FSTL5: variants seen among roughly 807,000 people sequenced by gnomAD.
FSTL5 encodes follistatin like 5.
FSTL5 carries 62 observed loss-of-function variants against 89.1 expected under a neutral mutation model. That is an observed-to-expected ratio of 0.70 (90% CI 0.57 to 0.86). The LOEUF (loss-of-function observed/expected upper bound fraction) is 0.86, where lower values mean the gene tolerates loss of function less well. Ranked by LOEUF, FSTL5 falls within the 40% of genes least tolerant of loss-of-function variation. The probability of loss-of-function intolerance (pLI) is 0.00; values close to 1 mark genes in which losing one functional copy is unlikely to be tolerated. For missense variants in FSTL5, 1,057 were observed against 1,001.6 expected (o/e 1.06, Z -0.75); for synonymous variants, 383 against 346.2 (o/e 1.11, Z -1.18).
intron 4 of FSTL5, among the ~76,000 whole-genome samples, chr4:161,786,608 G>A (rs959382112): frequency 6.6e-6 from 1 of 152,044 alleles, no homozygotes; most frequent in African/African-American, 2.4e-5. Flanking sequence ...ATGAATCTTT[G>A]TCCCTCCAGA....
At chr4:161,573,474 C>T (rs1179438534) in intron 8 of FSTL5, among the ~76,000 whole-genome samples, 1 of 149,794 alleles carries the variant, frequency 6.7e-6, no homozygotes, top group African/African-American at 2.4e-5. Context: ...AGCGGTGGCT[C>T]ACGCCTGTAA....
intron 3 of FSTL5, among the ~76,000 whole-genome samples, chr4:162,026,459 C>A (rs556877165): frequency 1.3e-5 from 2 of 151,634 alleles, no homozygotes; most frequent in Admixed American, 6.6e-5. Flanking sequence ...AGGTGCCCAC[C>A]ACCACGCTTG....
intron 12 of FSTL5, among the ~76,000 whole-genome samples, chr4:161,484,728 G>A (rs1406975862): frequency 2.0e-5 from 3 of 152,086 alleles, no homozygotes; most frequent in African/African-American, 7.2e-5. Context: ...AGCATTTATT[G>A]AGAGCTTACT....
chr4:161,628,423 T>C (rs1240384570), intron 7 of FSTL5, among the ~76,000 whole-genome samples: 1 of 152,106 alleles, frequency 6.6e-6, no homozygotes, highest in Non-Finnish European at 1.5e-5. Context: ...ACCAGAAATA[T>C]GACAGCCTTG....
chr4:161,729,956 T>A (rs1238161259), intron 6 of FSTL5, among the ~76,000 whole-genome samples: 1 of 152,182 alleles, frequency 6.6e-6, no homozygotes, highest in African/African-American at 2.4e-5. Context: ...AATATAGTGT[T>A]TTAGTAATTT....
At position 161,601,329 on chromosome 4, in the gene FSTL5, G is replaced by GAAAA. The variant is rs35261391; in HGVS notation, c.895-13758_895-13755dup. On this transcript the variant is annotated intron_variant, in intron 7 of 15. Coordinates refer to ENST00000306100, the MANE Select transcript of FSTL5 (RefSeq NM_020116.5). ...AGTGACACAAAGTCTTAAATAGTTG[G>GAAAA]AAAAAAAAAAAAAAAAAAAAAGGCA... Among the ~76,000 whole-genome samples, 14 of 107,534 alleles carry GAAAA rather than the reference G, an allele frequency of 1.3e-4. 3 individuals are homozygous for GAAAA. Among genetic ancestry groups the GAAAA allele is most frequent in the Admixed American group, 2.0e-4 (2 of 10,148 alleles). The allele number at this position is 107,534 out of a possible 152,430, so 70.5% of individuals were successfully genotyped here.
At chr4:162,067,108 T>C (rs1397990326) in intron 2 of FSTL5, among the ~76,000 whole-genome samples, 2 of 152,096 alleles carry the variant, frequency 1.3e-5, no homozygotes, top group Non-Finnish European at 2.9e-5. Context: ...TGATCATGGC[T>C]CACTGCAGCC....
chr4:161,619,433 C>A (rs558786387), intron 7 of FSTL5, among the ~76,000 whole-genome samples: 2 of 152,038 alleles, frequency 1.3e-5, no homozygotes, highest in Admixed American at 6.6e-5. Flanking sequence ...ATTTTCCCAA[C>A]CTACTCATCT....
At chr4:161,866,543 C>T (rs913691506) in intron 4 of FSTL5, among the ~76,000 whole-genome samples, 4 of 145,708 alleles carry the variant, frequency 2.7e-5, no homozygotes, top group Non-Finnish European at 6.0e-5. Flanking sequence ...AAAACTCTTG[C>T]CTCAGGTTTT....
At chr4:161,609,314 CTT>C (rs1734562204) in intron 7 of FSTL5, among the ~76,000 whole-genome samples, 1 of 152,006 alleles carries the variant, frequency 6.6e-6, no homozygotes, top group African/African-American at 2.4e-5. Context: ...CTATTTTTAT[CTT>C]TGACTAGATT....
chr4:162,090,069 TTACACCATA>T (rs2111354727), intron 2 of FSTL5, among the ~76,000 whole-genome samples: 1 of 152,278 alleles, frequency 6.6e-6, no homozygotes, highest in Non-Finnish European at 1.5e-5. Context: ...GACCCCTTCC[TTACACCATA>T]TACAAAAGTC....
chr4:161,545,858 T>C (rs983141302), intron 8 of FSTL5, among the ~76,000 whole-genome samples: 1 of 151,952 alleles, frequency 6.6e-6, no homozygotes, highest in Non-Finnish European at 1.5e-5. Flanking sequence ...ATTTGCTGAA[T>C]ACAACAAAAT....
At chr4:161,710,566 T>A (rs1738745419) in intron 6 of FSTL5, among the ~76,000 whole-genome samples, 1 of 152,184 alleles carries the variant, frequency 6.6e-6, no homozygotes, top group Non-Finnish European at 1.5e-5. Flanking sequence ...TTAAGCAGTG[T>A]CAGCCTAGAA....
At chr4:161,916,356 T>A (rs753536471) in intron 4 of FSTL5, among the ~76,000 whole-genome samples, 1 of 152,162 alleles carries the variant, frequency 6.6e-6, no homozygotes, top group African/African-American at 2.4e-5. Flanking sequence ...CTGAGTAGTA[T>A]AGATGTTTTG....
At chr4:161,897,114 A>T (rs1016767198) in intron 4 of FSTL5, among the ~76,000 whole-genome samples, 1 of 151,764 alleles carries the variant, frequency 6.6e-6, no homozygotes, top group African/African-American at 2.4e-5. Flanking sequence ...AATATATAAT[A>T]ATATTAGATA....
intron 4 of FSTL5, among the ~76,000 whole-genome samples, chr4:161,917,707 A>G (rs542614763): frequency 9.9e-5 from 15 of 152,208 alleles, no homozygotes; most frequent in Non-Finnish European, 2.2e-4. Flanking sequence ...ATTTTAAAGT[A>G]CCAATAAACT....
intron 4 of FSTL5, among the ~76,000 whole-genome samples, chr4:161,833,789 T>C (rs564454176): frequency 0.072 from 10,908 of 151,670 alleles, 438 homozygotes; most frequent in Middle Eastern, 0.15. Context: ...GCATGGGAGA[T>C]GGGTTTCCTG....
At chr4:161,453,936 T>G (rs1733261255) in intron 15 of FSTL5, among the ~76,000 whole-genome samples, 1 of 152,156 alleles carries the variant, frequency 6.6e-6, no homozygotes, top group Admixed American at 6.6e-5. Context: ...GAGCACATAA[T>G]AGGCATTCTG....
chr4:161,708,967 C>T (rs1738682641), intron 6 of FSTL5, among the ~76,000 whole-genome samples: 1 of 152,086 alleles, frequency 6.6e-6, no homozygotes, highest in Non-Finnish European at 1.5e-5. Flanking sequence ...TGTTTTATAT[C>T]ATAACTGTTG....
Sources: gnomAD v4.1 joint callset for allele counts (sites outside exome capture counted in the v4.1 genomes callset) on GRCh38, gnomAD v4.1.1 for gene constraint, MANE v1.5 for transcripts, NCBI Gene and HGNC (gene_info 2026-07-23, HGNC 2026-07-21) for gene names.